SAMD12: variants seen among roughly 807,000 people sequenced by gnomAD.
The protein encoded by SAMD12 is sterile alpha motif domain-containing protein 12.
In SAMD12, 9 loss-of-function variants were observed where a neutral mutation model predicts 15.0. The ratio of observed to expected loss-of-function variants is 0.60; its 90% confidence interval spans 0.36 to 1.05. SAMD12 has a LOEUF of 1.05. SAMD12 is among the 50% of genes least tolerant of loss of function. SAMD12 has a pLI of 0.01. For synonymous variants in SAMD12, 86 were observed against 90.1 expected (o/e 0.96, Z 0.25); for missense variants, 230 against 234.2 (o/e 0.98, Z 0.12).
intron 4 of SAMD12, among the ~76,000 whole-genome samples, chr8:118,312,835 C>T (rs1446641778): frequency 6.6e-6 from 1 of 152,104 alleles, no homozygotes; most frequent in Non-Finnish European, 1.5e-5. Context: ...GGGCTAACTT[C>T]AAAATCCCTG....
intron 3 of SAMD12, among the ~76,000 whole-genome samples, chr8:118,411,174 G>GTT (rs1187186313): frequency 6.6e-6 from 1 of 152,182 alleles, no homozygotes; most frequent in Non-Finnish European, 1.5e-5. Context: ...TTTGAACTGT[G>GTT]TTTTGTACGT....
chr8:118,326,962 T>C (rs1816595953), intron 4 of SAMD12, among the ~76,000 whole-genome samples: 1 of 152,176 alleles, frequency 6.6e-6, no homozygotes, highest in African/African-American at 2.4e-5. Flanking sequence ...TGAAAGCAAC[T>C]AGAAAATAGC....
chr8:118,555,125 T>A (rs1029290794), intron 2 of SAMD12, among the ~76,000 whole-genome samples: 1 of 152,170 alleles, frequency 6.6e-6, no homozygotes, highest in Admixed American at 6.5e-5. Context: ...CATCTGTTAT[T>A]GGTTAGCAGA....
chr8:118,454,545 C>G (rs1348031562), intron 2 of SAMD12, among the ~76,000 whole-genome samples: 1 of 152,200 alleles, frequency 6.6e-6, no homozygotes, highest in African/African-American at 2.4e-5. Context: ...TTACTCTGCT[C>G]TCTTTTCTAG....
chr8:118,252,613 T>C (rs1313623662), intron 4 of SAMD12, among the ~76,000 whole-genome samples: 1 of 152,142 alleles, frequency 6.6e-6, no homozygotes, highest in Admixed American at 6.5e-5. Context: ...CAGTTCTCTT[T>C]CTTACTCCCT....
intron 2 of SAMD12, among the ~76,000 whole-genome samples, chr8:118,514,034 T>G (rs893495091): frequency 2.6e-5 from 4 of 152,220 alleles, no homozygotes; most frequent in African/African-American, 9.6e-5. Flanking sequence ...AATACTGGTA[T>G]ATAATTTGCA....
At chr8:118,557,221 T>G (rs1826561624) in intron 2 of SAMD12, among the ~76,000 whole-genome samples, 1 of 152,184 alleles carries the variant, frequency 6.6e-6, no homozygotes, top group Non-Finnish European at 1.5e-5. Flanking sequence ...TCAAGAGACC[T>G]GATGGTTTAT....
At chr8:118,266,343 A>G (rs192030714) in intron 4 of SAMD12, among the ~76,000 whole-genome samples, 226 of 152,316 alleles carry the variant, frequency 1.5e-3, no homozygotes, top group African/African-American at 4.7e-3. Flanking sequence ...CAAAAGATAA[A>G]TATTGGTGAG....
chr8:118,336,804 C>A (rs1329900580), intron 4 of SAMD12, among the ~76,000 whole-genome samples: 1 of 152,194 alleles, frequency 6.6e-6, no homozygotes, highest in Non-Finnish European at 1.5e-5. Context: ...AAATGTGGCA[C>A]ATACACACCA....
chr8:118,477,038 G>C (rs1823979790), intron 2 of SAMD12, among the ~76,000 whole-genome samples: 1 of 151,236 alleles, frequency 6.6e-6, no homozygotes, highest in African/African-American at 2.4e-5. Flanking sequence ...GCACCGAGAT[G>C]GACCACTGGC....
chr8:118,541,486 G>C (rs924672960), intron 2 of SAMD12, among the ~76,000 whole-genome samples: 5 of 152,130 alleles, frequency 3.3e-5, no homozygotes, highest in African/African-American at 4.8e-5. Context: ...GACTTTGTGG[G>C]ATATACAATC....
At chr8:118,600,573 A>G (rs974092021) in intron 1 of SAMD12, among the ~76,000 whole-genome samples, 3 of 152,190 alleles carry the variant, frequency 2.0e-5, no homozygotes, top group African/African-American at 7.2e-5. Context: ...TAGTGACTCT[A>G]TTGCACTATA....
chr8:118,524,120 T>TA (rs1247588612), intron 2 of SAMD12, among the ~76,000 whole-genome samples: 1 of 152,002 alleles, frequency 6.6e-6, no homozygotes, highest in Non-Finnish European at 1.5e-5. Flanking sequence ...CCATTTAGAG[T>TA]AAAAAACTTG....
chr8:118,554,651 A>G (rs992841212), intron 2 of SAMD12, among the ~76,000 whole-genome samples: 2 of 152,038 alleles, frequency 1.3e-5, no homozygotes, highest in Non-Finnish European at 2.9e-5. Context: ...CATTGTGCAC[A>G]TGTACCCTAA....
intron 2 of SAMD12, among the ~76,000 whole-genome samples, chr8:118,520,451 G>A (rs372336791): frequency 1.3e-5 from 2 of 152,096 alleles, no homozygotes; most frequent in South Asian, 2.1e-4. Context: ...ATTTTTCTCC[G>A]CATTATTAGG....
At chr8:118,220,772 A>G (rs1308124889) in intron 4 of SAMD12, among the ~76,000 whole-genome samples, 5 of 152,220 alleles carry the variant, frequency 3.3e-5, no homozygotes, top group East Asian at 3.8e-4. Flanking sequence ...ATTAAAAACA[A>G]AAACAAAAAT....
intron 1 of SAMD12, among the ~76,000 whole-genome samples, chr8:118,595,812 C>A (rs1245067202): frequency 6.6e-6 from 1 of 152,230 alleles, no homozygotes; most frequent in Non-Finnish European, 1.5e-5. Flanking sequence ...TCCTTCCCCA[C>A]AGTAAGATTG....
chr8:118,487,329 C>T (rs1050820403), intron 2 of SAMD12, among the ~76,000 whole-genome samples: 1 of 152,118 alleles, frequency 6.6e-6, no homozygotes, highest in African/African-American at 2.4e-5. Context: ...GAAAGGAATT[C>T]AGGGGAAGGC....
At chr8:118,159,272 T>A in the SAMD12 span, among the ~76,000 whole-genome samples, 1 of 152,178 alleles carries the variant, frequency 6.6e-6, no homozygotes, top group African/African-American at 2.4e-5. Context: ...CAGTGGAAGC[T>A]GCTTGTGGTA....
Sources: allele counts gnomAD v4.1 joint callset (sites outside exome capture counted in the v4.1 genomes callset), GRCh38; gene constraint gnomAD v4.1.1; transcripts MANE v1.5; gene names NCBI Gene and HGNC (gene_info 2026-07-23, HGNC 2026-07-21).